Variants in NRXN3 observed in about 807,000 individuals in gnomAD.
NRXN3 encodes the protein neurexin 3, also known as neurexin III.
A neutral mutation model predicts 137.6 loss-of-function variants in NRXN3; 32 were observed. The observed-to-expected ratio is 0.23, with a 90% confidence interval of 0.18 to 0.31. The LOEUF (loss-of-function observed/expected upper bound fraction) is 0.31. Ranked by LOEUF, NRXN3 falls within the 10% of genes least tolerant of loss-of-function variation. The probability of loss-of-function intolerance (pLI) is 1.00; values close to 1 mark genes in which losing one functional copy is unlikely to be tolerated. For missense variants in NRXN3, 1,574 were observed against 2,062.5 expected, an observed-to-expected ratio of 0.76 and a Z score of 4.59; for synonymous variants, 798 against 784.5, an observed-to-expected ratio of 1.02 and a Z score of -0.29.
intron 15 of NRXN3, among the ~76,000 whole-genome samples, chr14:79,316,762 C>A (rs1280519723): frequency 7.0e-6 from 1 of 143,338 alleles, no homozygotes; most frequent in Non-Finnish European, 1.5e-5. Flanking sequence ...CTCTCTCTCT[C>A]TATTGAATTC....
intron 15 of NRXN3, among the ~76,000 whole-genome samples, chr14:79,046,730 G>A (rs1053159673): frequency 3.3e-5 from 5 of 152,166 alleles, no homozygotes; most frequent in African/African-American, 1.2e-4. Flanking sequence ...AAACCTGATA[G>A]TATGTACTAA....
intron 4 of NRXN3, among the ~76,000 whole-genome samples, chr14:78,329,312 C>T (rs765434153): frequency 2.6e-5 from 4 of 152,128 alleles, no homozygotes; most frequent in Non-Finnish European, 5.9e-5. Flanking sequence ...CATTCTGCAA[C>T]ACGAGGGCTT....
chr14:79,155,292 T>C (rs17108770), intron 15 of NRXN3, among the ~76,000 whole-genome samples: 165 of 152,010 alleles, frequency 1.1e-3, no homozygotes, highest in African/African-American at 3.7e-3. Flanking sequence ...CTGTATTTGT[T>C]AGTAACATAT....
At chr14:79,431,641 A>C (rs1377474728) in intron 15 of NRXN3, among the ~76,000 whole-genome samples, 1 of 152,176 alleles carries the variant, frequency 6.6e-6, no homozygotes, top group Non-Finnish European at 1.5e-5. Flanking sequence ...ATTTTGATTA[A>C]ATAAATCAAG....
At chr14:79,488,217 AAG>A (rs1432622942) in intron 16 of NRXN3, among the ~76,000 whole-genome samples, 6 of 152,164 alleles carry the variant, frequency 3.9e-5, no homozygotes, top group Non-Finnish European at 8.8e-5. Context: ...TGAATAGAGA[AAG>A]AGTGTTCTGA....
At position 78,617,637 on chromosome 14, in the gene NRXN3, G is replaced by C. The variant is rs548624291; in HGVS notation, c.758-27483G>C. On this transcript the variant is annotated intron_variant, in intron 4 of 20. Coordinates refer to ENST00000335750, the MANE Select transcript of NRXN3 (RefSeq NM_001330195.2). ...TGGGGAATGCACAAACAAGGAAGAAGCTCTGGGTTGCTTCTTGGAGTCTGC... is the reference window on the plus strand; with the variant it reads ...TGGGGAATGCACAAACAAGGAAGAACCTCTGGGTTGCTTCTTGGAGTCTGC... Among the ~76,000 whole-genome samples the C allele has an allele frequency of 3.9e-5, 6 of 152,150 alleles. No individual in the cohort carries two copies. In the South Asian group the frequency reaches 8.3e-4, roughly 21 times the overall value.
chr14:78,399,275 TA>T (rs1232495902), intron 4 of NRXN3, among the ~76,000 whole-genome samples: 2 of 152,090 alleles, frequency 1.3e-5, no homozygotes, highest in Non-Finnish European at 2.9e-5. Context: ...ATACACATAA[TA>T]AAATATTTAA....
intron 10 of NRXN3, among the ~76,000 whole-genome samples, chr14:78,822,733 A>G (rs1027313553): frequency 1.3e-5 from 2 of 151,930 alleles, no homozygotes; most frequent in Admixed American, 1.3e-4. Flanking sequence ...AAGAAAAGAA[A>G]GAAATGAGAC....
At chr14:79,273,174 A>G (rs933106373) in intron 15 of NRXN3, among the ~76,000 whole-genome samples, 3 of 141,096 alleles carry the variant, frequency 2.1e-5, no homozygotes, top group Non-Finnish European at 4.6e-5. Context: ...TCTGTGGCCA[A>G]AAAAAAAAAA....
chr14:79,054,319 A>G (rs2152599634), intron 15 of NRXN3, among the ~76,000 whole-genome samples: 1 of 152,182 alleles, frequency 6.6e-6, no homozygotes, highest in East Asian at 1.9e-4. Flanking sequence ...TAAAAGAAAA[A>G]AAGAATTAGT....
chr14:78,400,807 A>G lies in NRXN3; in HGVS notation c.757+102947A>G, dbSNP rs559456296. 2.6e-5 allele frequency among the ~76,000 whole-genome samples: 4 copies of G among 152,242 alleles called. No homozygotes were observed. In the East Asian group the frequency reaches 7.7e-4, roughly 29 times the overall value. Reference sequence around the variant, plus strand: ...GTTTCTCTCTGATTACCAGTGATAGATTATCATGATTAATCCTCACCATTT... The same window carrying G: ...GTTTCTCTCTGATTACCAGTGATAGGTTATCATGATTAATCCTCACCATTT... On this transcript the variant is annotated intron_variant, in intron 4 of 20. Coordinates refer to ENST00000335750, the MANE Select transcript of NRXN3 (RefSeq NM_001330195.2).
chr14:78,314,546 G>A (rs1009866042), intron 4 of NRXN3, among the ~76,000 whole-genome samples: 1 of 152,170 alleles, frequency 6.6e-6, no homozygotes, highest in Non-Finnish European at 1.5e-5. Flanking sequence ...TTCCTAAAGG[G>A]CCATGCCTGG....
At chr14:78,323,438 T>C (rs2079644813) in intron 4 of NRXN3, among the ~76,000 whole-genome samples, 1 of 152,042 alleles carries the variant, frequency 6.6e-6, no homozygotes, top group Non-Finnish European at 1.5e-5. Flanking sequence ...CCTCATCTGT[T>C]GAAGGGGGAT....
intron 16 of NRXN3, among the ~76,000 whole-genome samples, chr14:79,575,933 T>C (rs1161819843): frequency 6.6e-6 from 1 of 152,218 alleles, no homozygotes; most frequent in African/African-American, 2.4e-5. Flanking sequence ...GGCCAAGTTA[T>C]GCTATTTTTT....
intron 15 of NRXN3, among the ~76,000 whole-genome samples, chr14:79,057,889 A>C (rs1441556182): frequency 6.6e-6 from 1 of 151,926 alleles, no homozygotes; most frequent in African/African-American, 2.4e-5. Context: ...GGCTTTACTC[A>C]TTTTTTTTCT....
chr14:79,423,380 A>G (rs1364031606), intron 15 of NRXN3, among the ~76,000 whole-genome samples: 3 of 152,128 alleles, frequency 2.0e-5, no homozygotes, highest in Non-Finnish European at 4.4e-5. Flanking sequence ...ATCCCAACCT[A>G]TTGGGTATAC....
intron 6 of NRXN3, among the ~76,000 whole-genome samples, chr14:78,703,431 G>A (rs760903657): frequency 1.3e-5 from 2 of 152,154 alleles, no homozygotes; most frequent in Non-Finnish European, 2.9e-5. Flanking sequence ...TTTACCCTGA[G>A]TAGGAACGTT....
At chr14:78,854,388 T>C (rs1018112177) in intron 10 of NRXN3, among the ~76,000 whole-genome samples, 1 of 152,154 alleles carries the variant, frequency 6.6e-6, no homozygotes, top group African/African-American at 2.4e-5. Flanking sequence ...ACCTTTTTTT[T>C]TAATTGCACA....
intron 15 of NRXN3, among the ~76,000 whole-genome samples, chr14:79,227,613 G>T (rs2071182393): frequency 6.6e-6 from 1 of 152,094 alleles, no homozygotes; most frequent in African/African-American, 2.4e-5. Flanking sequence ...TTTATTGGTG[G>T]ATTGTACCCA....
Sources: gnomAD v4.1 joint callset for allele counts (sites outside exome capture counted in the v4.1 genomes callset) on GRCh38, gnomAD v4.1.1 for gene constraint, MANE v1.5 for transcripts, NCBI Gene and HGNC (gene_info 2026-07-23, HGNC 2026-07-21) for gene names.